Variants in XAF1 observed in about 807,000 individuals in gnomAD.
The protein encoded by XAF1 is XIAP-associated factor 1.
XAF1 carries 32 observed loss-of-function variants against 32.3 expected under a neutral mutation model. The observed-to-expected ratio is 0.99, with a 90% CI of 0.75 to 1.33. The LOEUF (loss-of-function observed/expected upper bound fraction) is 1.33, where lower values mean the gene tolerates loss of function less well. Among genes scored for constraint, XAF1 ranks in the 40% most tolerant of loss-of-function variants. XAF1 has a pLI of 0.00. For synonymous variants in XAF1, 120 were observed against 125.9 expected (o/e 0.95, Z 0.31); for missense variants, 379 against 366.0 (o/e 1.04, Z -0.29).
chr17:6,763,190 G>C (rs552158343), intron 5 of XAF1, among the ~76,000 whole-genome samples: 6 of 152,128 alleles, frequency 3.9e-5, no homozygotes, highest in African/African-American at 1.4e-4. Context: ...TGTCTATTCT[G>C]GACACTTCAC....
chr17:6,770,338 A>G (rs536324974), intron 5 of XAF1, among the ~76,000 whole-genome samples: 2 of 152,322 alleles, frequency 1.3e-5, no homozygotes, highest in East Asian at 3.9e-4. Context: ...CTCATTAAAA[A>G]GGGAGGACCT....
intron 1 of XAF1, among the ~76,000 whole-genome samples, chr17:6,756,541 G>C (rs1019948577): frequency 4.6e-5 from 7 of 151,920 alleles, no homozygotes; most frequent in African/African-American, 1.2e-4. Context: ...GGCGGGGCAG[G>C]GGGGACAGAG....
At chr17:6,761,922 C>T (rs892595468) in intron 4 of XAF1, 52 of 1,504,128 alleles carry the variant, frequency 3.5e-5, no homozygotes, top group Non-Finnish European at 4.4e-5. Flanking sequence ...CTCTCCATTA[C>T]GGTTGCTGCT....
intron 3 of XAF1, 84 bp downstream of exon 3, chr17:6,759,802 A>T: frequency 6.2e-7 from 1 of 1,605,054 alleles, no homozygotes; most frequent in Non-Finnish European, 8.5e-7. Context: ...GAGGCCAGTA[A>T]TAGAGATTTC....
chr17:6,762,597 T>C (rs1320136451), intron 5 of XAF1, among the ~76,000 whole-genome samples: 1 of 152,232 alleles, frequency 6.6e-6, no homozygotes, highest in Non-Finnish European at 1.5e-5. Context: ...TCTATTAGAC[T>C]GTGAGCTTCC....
intron 2 of XAF1, chr17:6,759,161 A>T: frequency 9.8e-7 from 1 of 1,016,506 alleles, no homozygotes; most frequent in Non-Finnish European, 1.2e-6. Context: ...TAGCCCCTCC[A>T]CACAAAGCCC....
chr17:6,773,106 T>A lies in XAF1; in HGVS notation c.850-7T>A. On this transcript the variant is annotated splice_region_variant and splice_polypyrimidine_tract_variant and intron_variant, in intron 6 of 6. Coordinates refer to ENST00000361842, the MANE Select transcript of XAF1 (RefSeq NM_017523.5). ...CATATCAAACTTTTTTTATATCCATTTCTTAGGAGAAATGCCGGTGGTTAG... is the reference window on the plus strand; with the variant it reads ...CATATCAAACTTTTTTTATATCCATATCTTAGGAGAAATGCCGGTGGTTAG... 1 of 1,602,522 alleles carries A rather than the reference T, an allele frequency of 6.2e-7. No homozygotes were observed. The highest frequency in any genetic ancestry group is 8.5e-7 in the Non-Finnish European group (1 of 1,176,816).
At chr17:6,771,107 C>A (rs920511918) in intron 6 of XAF1, 123 bp downstream of exon 6, 1 of 1,054,948 alleles carries the variant, frequency 9.5e-7, no homozygotes, top group Non-Finnish European at 1.4e-6. Flanking sequence ...CTCTGACTCC[C>A]ACTTCTCTGG....
In XAF1 at chr17:6,770,666, G is replaced by A. The variant is rs1033378283; in HGVS notation, c.531G>A (p.Glu177=). 1.9e-6 allele frequency: 3 copies of A among 1,602,112 alleles called. No individual in the cohort carries two copies. Among genetic ancestry groups the A allele is most frequent in the African/African-American group, 2.7e-5 (2 of 74,014 alleles). The change falls in exon 6 of 7, where the codon GAG becomes GAA. Residue 177 remains glutamate (E), a synonymous_variant. Coordinates refer to ENST00000361842, the MANE Select transcript of XAF1 (RefSeq NM_017523.5). Reference sequence around the variant, plus strand: ...AGGGTAAATGTTGTCCAGACTCAGAGTTTAAGAAACACTTTCCTGTTGGAA... The same window carrying A: ...AGGGTAAATGTTGTCCAGACTCAGAATTTAAGAAACACTTTCCTGTTGGAA... ...HHMGKCCPDS[E]FKKHFPVGNP...
rs926681772 is a variant in XAF1, at chr17:6,773,378, G to A, written c.*209G>A. The A allele has an allele frequency of 2.3e-5, 11 of 485,652 alleles. No homozygotes were observed. The highest frequency in any genetic ancestry group is 4.1e-5 in the African/African-American group (2 of 48,662). The allele number at this position is 485,652 out of a possible 1,614,324, so 30.1% of individuals were successfully genotyped here. A position where few individuals can be genotyped will look rare whatever the true frequency, so the allele number is the denominator to read the frequency against. On this transcript the variant is annotated 3_prime_UTR_variant, in exon 7 of 7. Transcript: ENST00000361842. ...TTGATAAAATTCAACTTGACTTCAT[G>A]TTAAAAACCCTCAACAAACCAGGCG...
At chr17:6,770,542 G>A (rs951647607) in intron 5 of XAF1, 101 bp from the exon 6 acceptor site, 3 of 977,736 alleles carry the variant, frequency 3.1e-6, no homozygotes, top group Non-Finnish European at 4.5e-6. Flanking sequence ...CCATATAAAA[G>A]TGTTTACAGT....
intron 6 of XAF1, among the ~76,000 whole-genome samples, chr17:6,772,564 G>A (rs571082560): frequency 2.1e-5 from 3 of 142,540 alleles, no homozygotes; most frequent in African/African-American, 5.3e-5. Context: ...TCTGCCTCCC[G>A]GGTTCAAGCG....
At chr17:6,758,453 T>C (rs919152309) in intron 2 of XAF1, 3 of 628,138 alleles carry the variant, frequency 4.8e-6, no homozygotes, top group Non-Finnish European at 7.9e-6. Context: ...GGTCTGAGAG[T>C]CAAGGCAAGT....
At chr17:6,758,997 C>T (rs1481731231) in intron 2 of XAF1, 1 of 356,254 alleles carries the variant, frequency 2.8e-6, no homozygotes, top group Non-Finnish European at 4.4e-6. Flanking sequence ...GTTCCATCCT[C>T]CCTGCAAGAA....
intron 2 of XAF1, chr17:6,759,042 C>T (rs1974962079): frequency 1.5e-6 from 1 of 661,748 alleles, no homozygotes; most frequent in African/African-American, 2.0e-5. Flanking sequence ...TGGCTCCAGT[C>T]CTCCCTGCAG....
intron 6 of XAF1, chr17:6,771,935 G>C (rs1205866923): frequency 6.6e-6 from 1 of 151,954 alleles, no homozygotes; most frequent in Non-Finnish European, 1.5e-5. Context: ...GCATATACTG[G>C]GTTTTACTTG....
rs1976281145 is a variant in XAF1, at chr17:6,774,377, GA to G, written c.*1211del. On this transcript the variant is annotated 3_prime_UTR_variant, in exon 7 of 7. Transcript: ENST00000361842. Reference sequence around the variant, plus strand: ...ACTAGCTAGCCATATGCAGAGGATTGAAACTGAACCACTTCCTTACACCATA... The same window carrying G: ...ACTAGCTAGCCATATGCAGAGGATTGAACTGAACCACTTCCTTACACCATA... The G allele has an allele frequency of 6.6e-6, 1 of 152,206 alleles. No individual in the cohort carries two copies. Among genetic ancestry groups the G allele is most frequent in the African/African-American group, 2.4e-5 (1 of 41,440 alleles). The allele number at this position is 152,206 out of a possible 1,614,324, so 9.4% of individuals were successfully genotyped here. A position where few individuals can be genotyped will look rare whatever the true frequency, so the allele number is the denominator to read the frequency against.
Position 6,762,156 on chromosome 17 carries a change from G to T in XAF1, c.423G>T (p.Gly141=). The change falls in exon 5 of 7, where the codon GGG becomes GGT. Residue 141 remains glycine, a splice_region_variant and synonymous_variant. Coordinates refer to ENST00000361842, the MANE Select transcript of XAF1 (RefSeq NM_017523.5). ...GGTGTTGTTTCTCTGCTTATTCAGG[G>T]GAAAGAATTTCAGCTCCTGAAAGGG... ...CRSEQAQLGK[G]ERISAPEREI... is the part of the protein sequence containing the mutation. 1 of 1,612,668 alleles carries T rather than the reference G, an allele frequency of 6.2e-7. No homozygotes were observed. The highest frequency in any genetic ancestry group is 8.5e-7 in the Non-Finnish European group (1 of 1,179,490).
rs57323394 is a variant in XAF1, at chr17:6,775,040, TA to T, written c.*1885del. 6,569 of 136,848 alleles carry T rather than the reference TA, an allele frequency of 0.048. 398 individuals carry two copies. Among genetic ancestry groups the T allele is most frequent in the African/African-American group, 0.15 (5,531 of 37,990 alleles). The allele number at this position is 136,848 out of a possible 1,614,324, so 8.5% of individuals were successfully genotyped here. ...TGGGCAACCAAGCGAGACTCTGCCTTAAAAAAAAAAAAAAGAAAATGTGGCA... is the reference window on the plus strand; with the variant it reads ...TGGGCAACCAAGCGAGACTCTGCCTTAAAAAAAAAAAAAGAAAATGTGGCA... On this transcript the variant is annotated 3_prime_UTR_variant, in exon 7 of 7. Coordinates refer to ENST00000361842, the MANE Select transcript of XAF1 (RefSeq NM_017523.5).
Sources: gnomAD v4.1 joint callset for allele counts (sites outside exome capture counted in the v4.1 genomes callset) on GRCh38, gnomAD v4.1.1 for gene constraint, MANE v1.5 for transcripts, NCBI Gene and HGNC (gene_info 2026-07-23, HGNC 2026-07-21) for gene names.